NELL1: variants seen among roughly 807,000 people sequenced by gnomAD.
NELL1 encodes the protein neural EGFL like 1, also known as protein kinase C-binding protein NELL1.
In NELL1, 76 loss-of-function variants were observed where a neutral mutation model predicts 107.4. The ratio of observed to expected loss-of-function variants is 0.71; its 90% CI spans 0.59 to 0.86. The LOEUF is 0.86. Ranked by LOEUF, NELL1 falls within the 40% of genes least tolerant of loss-of-function variation. NELL1 has a pLI of 0.00. For missense variants in NELL1, 1,024 were observed against 1,005.5 expected, an observed-to-expected ratio of 1.02 and a Z score of -0.25; for synonymous variants, 353 against 341.2, an observed-to-expected ratio of 1.03 and a Z score of -0.38.
At chr11:21,104,940 A>G (rs1269544282) in intron 12 of NELL1, among the ~76,000 whole-genome samples, 1 of 152,138 alleles carries the variant, frequency 6.6e-6, no homozygotes, top group African/African-American at 2.4e-5. Context: ...CTGTTCTTAT[A>G]AGGGCACTAA....
chr11:21,259,646 A>G (rs1858855511), intron 14 of NELL1, among the ~76,000 whole-genome samples: 1 of 151,874 alleles, frequency 6.6e-6, no homozygotes, highest in Non-Finnish European at 1.5e-5. Flanking sequence ...CAAAAGTGAC[A>G]TGCTTACACT....
intron 12 of NELL1, among the ~76,000 whole-genome samples, chr11:21,105,980 C>T (rs1238936116): frequency 7.7e-6 from 1 of 129,924 alleles, no homozygotes; most frequent in African/African-American, 2.9e-5. Flanking sequence ...TTTCATCTTT[C>T]TTCTTTCTCT....
chr11:21,012,881 T>A (rs1257676176), intron 12 of NELL1, among the ~76,000 whole-genome samples: 1 of 152,110 alleles, frequency 6.6e-6, no homozygotes, highest in African/African-American at 2.4e-5. Flanking sequence ...TTAGGCTTTA[T>A]AGTAGTGATG....
At chr11:20,921,091 C>A (rs1176215447) in intron 7 of NELL1, among the ~76,000 whole-genome samples, 1 of 152,014 alleles carries the variant, frequency 6.6e-6, no homozygotes, top group South Asian at 2.1e-4. Flanking sequence ...CCTTGCAAGC[C>A]AAGAGGCAAA....
intron 5 of NELL1, among the ~76,000 whole-genome samples, chr11:20,904,940 C>T (rs1849961004): frequency 6.6e-6 from 1 of 151,776 alleles, no homozygotes; most frequent in Non-Finnish European, 1.5e-5. Flanking sequence ...GTAATCATCC[C>T]ATTTTAGCTT....
intron 12 of NELL1, among the ~76,000 whole-genome samples, chr11:20,995,406 G>A (rs756932504): frequency 9.2e-5 from 14 of 151,852 alleles, no homozygotes; most frequent in East Asian, 3.9e-4. Flanking sequence ...GTGAAACCCC[G>A]TCTCTACTAA....
intron 13 of NELL1, among the ~76,000 whole-genome samples, chr11:21,134,246 G>A (rs896373684): frequency 6.6e-6 from 1 of 152,186 alleles, no homozygotes; most frequent in Admixed American, 6.5e-5. Flanking sequence ...GCAGCACTCA[G>A]GCTAGGATGA....
intron 2 of NELL1, among the ~76,000 whole-genome samples, chr11:20,755,762 G>C (rs1856263981): frequency 6.6e-6 from 1 of 150,868 alleles, no homozygotes; most frequent in Admixed American, 6.6e-5. Context: ...CACCATGTTG[G>C]CCAGGCTGGT....
chr11:21,412,245 T>C (rs1360769774), intron 15 of NELL1, among the ~76,000 whole-genome samples: 1 of 152,134 alleles, frequency 6.6e-6, no homozygotes, highest in Non-Finnish European at 1.5e-5. Context: ...TTTTTTCCTG[T>C]TTTTAACTCA....
At chr11:21,564,029 G>C (rs185966307) in intron 17 of NELL1, among the ~76,000 whole-genome samples, 1 of 151,948 alleles carries the variant, frequency 6.6e-6, no homozygotes, top group East Asian at 2.0e-4. Flanking sequence ...TGATGAGCCA[G>C]GAGATTATGA....
intron 13 of NELL1, among the ~76,000 whole-genome samples, chr11:21,156,386 G>A (rs890857273): frequency 1.3e-5 from 2 of 152,196 alleles, no homozygotes; most frequent in African/African-American, 4.8e-5. Context: ...CTTTGGCTGG[G>A]CAAAGGGAGG....
chr11:20,833,571 A>G (rs1858059040), intron 3 of NELL1, among the ~76,000 whole-genome samples: 1 of 152,222 alleles, frequency 6.6e-6, no homozygotes, highest in Non-Finnish European at 1.5e-5. Flanking sequence ...GATATAGTCC[A>G]TGTGTTCCTA....
intron 4 of NELL1, 93 bp downstream of exon 4, chr11:20,847,846 G>A: frequency 7.5e-7 from 1 of 1,339,062 alleles, no homozygotes; most frequent in Non-Finnish European, 1.0e-6. Flanking sequence ...AGACTTGCCA[G>A]GAAACAAACA....
At chr11:20,762,441 A>T (rs4923020) in intron 2 of NELL1, among the ~76,000 whole-genome samples, 91,983 of 152,104 alleles carry the variant, frequency 0.6, 28,705 homozygotes, top group Middle Eastern at 0.76. Flanking sequence ...GTGTGCCTGG[A>T]TGAAATAAGA....
intron 13 of NELL1, among the ~76,000 whole-genome samples, chr11:21,126,760 G>T (rs1284583297): frequency 6.6e-6 from 1 of 152,210 alleles, no homozygotes; most frequent in African/African-American, 2.4e-5. Context: ...AGAAGCCCAG[G>T]CTGTGTAGAC....
intron 4 of NELL1, among the ~76,000 whole-genome samples, chr11:20,854,934 T>C (rs1848855916): frequency 6.6e-6 from 1 of 152,252 alleles, no homozygotes; most frequent in Non-Finnish European, 1.5e-5. Context: ...ATGGCCAATA[T>C]AATACTTTCA....
chr11:21,505,899 T>A (rs569572693), intron 15 of NELL1, among the ~76,000 whole-genome samples: 1 of 152,298 alleles, frequency 6.6e-6, no homozygotes, highest in South Asian at 2.1e-4. Context: ...TATAGGAGCC[T>A]CTCACTAAAT....
intron 3 of NELL1, 116 bp from the exon 4 acceptor site, chr11:20,847,467 G>A (rs896431786): frequency 1.9e-6 from 2 of 1,071,644 alleles, no homozygotes; most frequent in Non-Finnish European, 2.6e-6. Context: ...GGCTCTTTGT[G>A]CCATGTTTAG....
chr11:21,109,992 A>ATTTC (rs1314974682), intron 12 of NELL1, among the ~76,000 whole-genome samples: 3 of 151,970 alleles, frequency 2.0e-5, no homozygotes, highest in African/African-American at 4.8e-5. Flanking sequence ...AGAGTTGCCA[A>ATTTC]TTTCTTTCTT....
Sources: allele counts gnomAD v4.1 joint callset (sites outside exome capture counted in the v4.1 genomes callset), GRCh38; gene constraint gnomAD v4.1.1; transcripts MANE v1.5; gene names NCBI Gene and HGNC (gene_info 2026-07-23, HGNC 2026-07-21).